Variants in TARS3 observed in about 807,000 individuals in gnomAD.
TARS3 encodes threonine--tRNA ligase 2, cytoplasmic.
Under a neutral mutation model 103.5 loss-of-function variants are expected in TARS3, and 94 were observed. The ratio of observed to expected loss-of-function variants is 0.91; its 90% CI spans 0.77 to 1.08. TARS3 has a LOEUF of 1.08. TARS3 is among the 50% of genes least tolerant of loss of function. The probability of loss-of-function intolerance (pLI) is 0.00; values close to 1 mark genes in which losing one functional copy is unlikely to be tolerated. For synonymous variants in TARS3, 416 were observed against 355.4 expected (o/e 1.17, Z -1.92); for missense variants, 952 against 995.2 (o/e 0.96, Z 0.58).
chr15:101,715,043 G>GTT (rs967127220), intron 3 of TARS3, 80 bp from the exon 4 acceptor site: 1,984 of 1,084,596 alleles, frequency 1.8e-3, no homozygotes, highest in South Asian at 2.1e-3. Context: ...AATTTCTAGG[G>GTT]TTTTTTTTTT....
At chr15:101,657,925 A>G in intron 16 of TARS3, 68 bp from the exon 17 acceptor site, 1 of 1,013,008 alleles carries the variant, frequency 9.9e-7, no homozygotes, top group East Asian at 2.7e-5. Flanking sequence ...TGATTTTCAA[A>G]TAACCAAAGA....
At chr15:101,700,561 A>G (rs1195231965) in intron 10 of TARS3, among the ~76,000 whole-genome samples, 1 of 152,144 alleles carries the variant, frequency 6.6e-6, no homozygotes, top group Non-Finnish European at 1.5e-5. Context: ...CAAAAAGTGA[A>G]TTTTATGAAA....
chr15:101,702,136 AGAAGAAG>A, intron 9 of TARS3, 96 bp downstream of exon 9: 1 of 1,416,980 alleles, frequency 7.1e-7, no homozygotes, highest in Non-Finnish European at 9.8e-7. Flanking sequence ...ATAGGAGAGA[AGAAGAAG>A]AAATCTTATT....
intron 15 of TARS3, chr15:101,664,366 T>C (rs1484328758): frequency 6.6e-6 from 1 of 152,250 alleles, no homozygotes; most frequent in African/African-American, 2.4e-5. Context: ...CTAATAGTTC[T>C]GACCCTTGCT....
intron 10 of TARS3, among the ~76,000 whole-genome samples, chr15:101,690,517 G>C (rs935655037): frequency 6.6e-6 from 1 of 152,084 alleles, no homozygotes; most frequent in African/African-American, 2.4e-5. Flanking sequence ...ACACATACAG[G>C]ATTTTGTTGT....
intron 15 of TARS3, among the ~76,000 whole-genome samples, chr15:101,665,910 G>A (rs1052135939): frequency 1.3e-5 from 2 of 152,154 alleles, no homozygotes; most frequent in East Asian, 1.9e-4. Flanking sequence ...TTTGGGAAGC[G>A]TTAACATTTA....
intron 4 of TARS3, chr15:101,714,605 C>CAAAAAAAA (rs35014693): frequency 2.1e-4 from 16 of 77,446 alleles, no homozygotes; most frequent in Admixed American, 4.0e-4. Context: ...GACTCCATCT[C>CAAAAAAAA]AAAAAAAAAA....
intron 10 of TARS3, among the ~76,000 whole-genome samples, chr15:101,698,563 C>T (rs1444421406): frequency 6.6e-6 from 1 of 152,120 alleles, no homozygotes; most frequent in East Asian, 1.9e-4. Context: ...CTACCATGTG[C>T]CTCCTACTCT....
chr15:101,667,591 A>T (rs549570790), intron 15 of TARS3, among the ~76,000 whole-genome samples: 2 of 149,816 alleles, frequency 1.3e-5, no homozygotes, highest in East Asian at 3.9e-4. Context: ...TTTTTTTGAG[A>T]TGGAGTTTCA....
rs1029034703 is a variant in TARS3, at chr15:101,654,505, A to T, written c.*77T>A. The T allele has an allele frequency of 6.6e-7, 1 of 1,509,928 alleles. No individual in the cohort carries two copies. The highest frequency in any genetic ancestry group is 9.0e-7 in the Non-Finnish European group (1 of 1,114,050). 93.5% of individuals were successfully genotyped at this position (1,509,928 alleles called of 1,614,324 possible). Reference sequence around the variant, plus strand: ...CCATCAGTGGCTCCAAAGTCGTAGAAGTACTAACATGTTAAGAAAAATACA... The same window carrying T: ...CCATCAGTGGCTCCAAAGTCGTAGATGTACTAACATGTTAAGAAAAATACA... On this transcript the variant is annotated 3_prime_UTR_variant, in exon 19 of 19. Coordinates refer to ENST00000335968, the MANE Select transcript of TARS3 (RefSeq NM_152334.3).
intron 5 of TARS3, among the ~76,000 whole-genome samples, chr15:101,710,843 T>G (rs145548793): frequency 1.6e-3 from 238 of 152,116 alleles, no homozygotes; most frequent in African/African-American, 5.1e-3. Flanking sequence ...GAGAACTATT[T>G]AGGAGATAAA....
rs770718152 is a variant in TARS3 at position 101,703,898 on chromosome 15, T to C, written c.1035A>G (p.Val345=). 2 of 1,613,216 alleles carry C rather than the reference T, an allele frequency of 1.2e-6. No homozygotes were observed. Among genetic ancestry groups the C allele is most frequent in the Non-Finnish European group, 1.7e-6 (2 of 1,179,758 alleles). The change falls in exon 8 of 19, where the codon GTA becomes GTG. Residue 345 remains valine (V), a synonymous_variant. Transcript: ENST00000335968. ...TGGTTTTAATTTTTCCAGTGTGTCTTACATGTGGACCTTTGCAAAGGTCAA... is the reference window on the plus strand; with the variant it reads ...TGGTTTTAATTTTTCCAGTGTGTCTCACATGTGGACCTTTGCAAAGGTCAA... The part of the protein sequence containing the change: ...PLIDLCKGPH[V]RHTGKIKTIK...
chr15:101,711,865 T>A lies in TARS3; in HGVS notation c.812+15A>T, dbSNP rs1188239488. ...TGAAACACATGCATTCACAAGCCAG[T>A]ATTCAGTGTGTTACCTGTCTTCAAT... is the stretch of plus-strand genomic sequence containing the variant. On this transcript the variant is annotated intron_variant, in intron 5 of 18. Transcript: ENST00000335968. 2 of 1,612,962 alleles carry A rather than the reference T, an allele frequency of 1.2e-6. No homozygotes were observed. The highest frequency in any genetic ancestry group is 1.7e-6 in the Non-Finnish European group (2 of 1,179,282).
At chr15:101,688,186 CAG>C (rs1194311805) in intron 10 of TARS3, among the ~76,000 whole-genome samples, 1 of 152,046 alleles carries the variant, frequency 6.6e-6, no homozygotes, top group Admixed American at 6.6e-5. Flanking sequence ...ATATAAATAA[CAG>C]AGAGATAAAG....
chr15:101,673,251 G>A (rs994726295), intron 13 of TARS3, among the ~76,000 whole-genome samples: 1 of 152,084 alleles, frequency 6.6e-6, no homozygotes, highest in Non-Finnish European at 1.5e-5. Flanking sequence ...ATTAAGAAAG[G>A]AGCAAAAATG....
chr15:101,699,362 T>G, intron 10 of TARS3: 1 of 455,806 alleles, frequency 2.2e-6, no homozygotes, highest in Non-Finnish European at 4.4e-6. Context: ...GTTTGTGCAT[T>G]TAAGTGCCTT....
chr15:101,715,550 T>C (rs1567357780), intron 3 of TARS3, among the ~76,000 whole-genome samples: 1 of 152,176 alleles, frequency 6.6e-6, no homozygotes, highest in African/African-American at 2.4e-5. Flanking sequence ...TTTTGGTACA[T>C]TTCTATCCAG....
intron 4 of TARS3, 102 bp downstream of exon 4, chr15:101,714,738 C>A: frequency 4.5e-6 from 5 of 1,105,616 alleles, no homozygotes; most frequent in Non-Finnish European, 6.1e-6. Flanking sequence ...TTAGAAACCC[C>A]CAAAAAACTC....
At chr15:101,724,057 C>A in intron 1 of TARS3, 34 bp downstream of exon 1, 6 of 1,340,786 alleles carry the variant, frequency 4.5e-6, no homozygotes, top group South Asian at 1.9e-5. Context: ...CCGCCCCGCC[C>A]GCGTCCTCTC....
Sources: allele counts gnomAD v4.1 joint callset (sites outside exome capture counted in the v4.1 genomes callset), GRCh38; gene constraint gnomAD v4.1.1; transcripts MANE v1.5; gene names NCBI Gene and HGNC (gene_info 2026-07-23, HGNC 2026-07-21).